Variants in RCAN2 observed in about 807,000 individuals in gnomAD.
RCAN2 encodes regulator of calcineurin 2.
In RCAN2, 9 loss-of-function variants were observed where a neutral mutation model predicts 23.6. The observed-to-expected ratio is 0.38, with a 90% CI of 0.23 to 0.67. The LOEUF (loss-of-function observed/expected upper bound fraction) is 0.67, where lower values mean the gene tolerates loss of function less well. Ranked by LOEUF, RCAN2 falls within the 30% of genes least tolerant of loss-of-function variation. The pLI, the probability that RCAN2 is intolerant of heterozygous loss-of-function variation, is 0.51. For synonymous variants in RCAN2, 109 were observed against 115.7 expected (o/e 0.94, Z 0.37); for missense variants, 273 against 302.3 (o/e 0.90, Z 0.72).
rs137981290 is a variant in RCAN2 at position 46,366,573 on chromosome 6, T to A, written c.225+90179A>T. ...TCTGCATTGACCTGTTTAGCAAGAA[T>A]TCTGCTAAGTTGGTTTTTGAATGTG... On this transcript the variant is annotated intron_variant, in intron 2 of 4. Transcript: ENST00000371374. 3.4e-3 allele frequency among the ~76,000 whole-genome samples: 513 copies of A among 152,220 alleles called. 3 individuals carry two copies. Among genetic ancestry groups the A allele is most frequent in the African/African-American group, 0.012 (481 of 41,540 alleles).
intron 2 of RCAN2, among the ~76,000 whole-genome samples, chr6:46,254,808 A>G (rs1766851090): frequency 6.6e-6 from 1 of 152,204 alleles, no homozygotes; most frequent in Admixed American, 6.5e-5. Flanking sequence ...ATGGGACCCT[A>G]ATCTAAGTTG....
intron 2 of RCAN2, among the ~76,000 whole-genome samples, chr6:46,276,212 C>T (rs1767694809): frequency 2.4e-5 from 1 of 41,300 alleles, no homozygotes; most frequent in South Asian, 7.0e-4. Flanking sequence ...GAGACTCTGT[C>T]TAAAAACAAA....
chr6:46,305,558 G>A (rs1459325279), intron 2 of RCAN2, among the ~76,000 whole-genome samples: 2 of 151,798 alleles, frequency 1.3e-5, no homozygotes, highest in African/African-American at 4.8e-5. Context: ...ATTGATTTTT[G>A]TCTCATCAGA....
intron 2 of RCAN2, among the ~76,000 whole-genome samples, chr6:46,314,703 A>T (rs1158612948): frequency 6.6e-6 from 1 of 152,188 alleles, no homozygotes; most frequent in African/African-American, 2.4e-5. Flanking sequence ...AGGTGTTTAG[A>T]TATATTTTAA....
chr6:46,379,894 C>T (rs1210135999), intron 2 of RCAN2, among the ~76,000 whole-genome samples: 1 of 152,146 alleles, frequency 6.6e-6, no homozygotes, highest in Non-Finnish European at 1.5e-5. Flanking sequence ...TGGCTCAATG[C>T]TTTCTCTTGC....
chr6:46,415,578 A>G (rs746531609), intron 2 of RCAN2, among the ~76,000 whole-genome samples: 3 of 152,294 alleles, frequency 2.0e-5, no homozygotes, highest in Middle Eastern at 3.4e-3. Flanking sequence ...ACAGGAGAAT[A>G]GAGTTGGAGG....
chr6:46,368,904 A>C (rs989833759), intron 2 of RCAN2, among the ~76,000 whole-genome samples: 1 of 152,138 alleles, frequency 6.6e-6, no homozygotes, highest in Non-Finnish European at 1.5e-5. Context: ...TAACAAATTA[A>C]CCTTCACTTA....
intron 2 of RCAN2, among the ~76,000 whole-genome samples, chr6:46,379,503 T>C (rs1765565793): frequency 6.6e-6 from 1 of 152,166 alleles, no homozygotes; most frequent in African/African-American, 2.4e-5. Flanking sequence ...CTGTAACTCA[T>C]TTTAGCCCGG....
intron 2 of RCAN2, among the ~76,000 whole-genome samples, chr6:46,419,278 T>C (rs1766800490): frequency 6.6e-6 from 1 of 152,176 alleles, no homozygotes; most frequent in Admixed American, 6.5e-5. Flanking sequence ...TTTAATAGTA[T>C]ACCACTAGAT....
intron 2 of RCAN2, among the ~76,000 whole-genome samples, chr6:46,356,381 G>A (rs1764831915): frequency 6.6e-6 from 1 of 152,196 alleles, no homozygotes; most frequent in Non-Finnish European, 1.5e-5. Flanking sequence ...AACTTAGAAA[G>A]TGATGTTTAA....
intron 2 of RCAN2, among the ~76,000 whole-genome samples, chr6:46,280,040 G>A (rs1009986348): frequency 7.0e-4 from 107 of 152,264 alleles, no homozygotes; most frequent in African/African-American, 2.5e-3. Context: ...AGATCACAGA[G>A]CAAGTTAATG....
intron 2 of RCAN2, among the ~76,000 whole-genome samples, chr6:46,434,095 ATG>A (rs748219371): frequency 6.6e-6 from 1 of 152,208 alleles, no homozygotes; most frequent in African/African-American, 2.4e-5. Context: ...CCTCTGACCA[ATG>A]TGCTGATTGC....
At position 46,466,926 on chromosome 6, in the gene RCAN2, A is replaced by G. The variant is rs142423615; in HGVS notation, c.-2-9948T>C. On this transcript the variant is annotated intron_variant, in intron 1 of 4. Transcript: ENST00000371374. The stretch of plus-strand genomic sequence containing the variant: ...TGGCCAATTTCCTCAAGCTTTCCTT[A>G]AGGTTTTCTTCTGCTGTGCCCCATT... 1.7e-3 allele frequency among the ~76,000 whole-genome samples: 253 copies of G among 152,264 alleles called. 1 individual carries two copies. The highest frequency in any genetic ancestry group is 5.8e-3 in the African/African-American group (239 of 41,554).
chr6:46,367,866 G>C (rs973877094), intron 2 of RCAN2, among the ~76,000 whole-genome samples: 1 of 152,090 alleles, frequency 6.6e-6, no homozygotes, highest in Non-Finnish European at 1.5e-5. Flanking sequence ...ACACATGAGG[G>C]AAACTATAAT....
intron 2 of RCAN2, among the ~76,000 whole-genome samples, chr6:46,446,742 T>C (rs1481101952): frequency 6.6e-6 from 1 of 152,176 alleles, no homozygotes; most frequent in Non-Finnish European, 1.5e-5. Flanking sequence ...AGTTTTTTCA[T>C]GTGATCAAAT....
chr6:46,294,836 AG>A (rs1227673208), intron 2 of RCAN2, among the ~76,000 whole-genome samples: 1 of 152,204 alleles, frequency 6.6e-6, no homozygotes, highest in Non-Finnish European at 1.5e-5. Flanking sequence ...GCATTGTCCA[AG>A]GCTTAAGAAA....
chr6:46,290,297 T>C (rs1762515723), intron 2 of RCAN2, among the ~76,000 whole-genome samples: 1 of 152,166 alleles, frequency 6.6e-6, no homozygotes, highest in Non-Finnish European at 1.5e-5. Flanking sequence ...AGAAAATAAA[T>C]CCTAATTTTG....
At chr6:46,300,717 C>A (rs1376778408) in intron 2 of RCAN2, among the ~76,000 whole-genome samples, 1 of 151,938 alleles carries the variant, frequency 6.6e-6, no homozygotes, top group Non-Finnish European at 1.5e-5. Flanking sequence ...CTGACAGCTG[C>A]ATATTATTTT....
chr6:46,371,597 T>C (rs1765319402), intron 2 of RCAN2, among the ~76,000 whole-genome samples: 1 of 152,234 alleles, frequency 6.6e-6, no homozygotes, highest in African/African-American at 2.4e-5. Context: ...CAGAATACTC[T>C]ACTAAAACTG....
Sources: allele counts gnomAD v4.1 joint callset (sites outside exome capture counted in the v4.1 genomes callset), GRCh38; gene constraint gnomAD v4.1.1; transcripts MANE v1.5; gene names NCBI Gene and HGNC (gene_info 2026-07-23, HGNC 2026-07-21).